Variants in PRDM11 observed in about 807,000 individuals in gnomAD.
The protein encoded by PRDM11 is PR domain-containing protein 11.
PRDM11 carries 20 observed loss-of-function variants against 97.8 expected under a neutral mutation model. That is an observed-to-expected ratio of 0.20 (90% confidence interval 0.14 to 0.30). PRDM11 has a LOEUF of 0.30. PRDM11 is among the 10% of genes least tolerant of loss of function. PRDM11 has a pLI of 1.00. For synonymous variants in PRDM11, 599 were observed against 637.7 expected, an observed-to-expected ratio of 0.94 and a Z score of 0.91; for missense variants, 1,139 against 1,555.2, an observed-to-expected ratio of 0.73 and a Z score of 4.50.
At chr11:45,186,577 G>T (rs1852712323) in intron 4 of PRDM11, among the ~76,000 whole-genome samples, 2 of 149,586 alleles carry the variant, frequency 1.3e-5, no homozygotes, top group African/African-American at 5.0e-5. Flanking sequence ...AGTAGGAGGA[G>T]ACAGTAGGAA....
At chr11:45,205,790 C>T (rs1429642584) in intron 5 of PRDM11, among the ~76,000 whole-genome samples, 2 of 152,172 alleles carry the variant, frequency 1.3e-5, no homozygotes, top group East Asian at 3.9e-4. Flanking sequence ...CTCCTGTGTC[C>T]TTCCCAGTGG....
rs760617886 is a variant in PRDM11, at chr11:45,227,361, C to T, written c.2736C>T (p.Ile912=). Residue 912 remains isoleucine, a synonymous_variant, in exon 8 of 8, where the codon ATC becomes ATT. Coordinates refer to ENST00000683152, the MANE Select transcript of PRDM11 (RefSeq NM_001384648.1). This position sits in a 1 kb window ranked among gnomAD's most constrained non-coding sequence, Gnocchi z 8.0. ...TGGTGTCCCAGGTGGATGACAAGAT[C>T]GAGGAGGCCATCCAGGAGATCAGCC... is the stretch of plus-strand genomic sequence containing the variant. The part of the protein sequence containing the change: ...YLLVSQVDDK[I]EEAIQEISRL... The T allele has an allele frequency of 1.3e-5, 20 of 1,533,826 alleles. No individual in the cohort carries two copies. The highest frequency in any genetic ancestry group is 4.8e-5 in the South Asian group (4 of 83,968).
chr11:45,098,060 G>T (rs1165935217), intron 1 of PRDM11, among the ~76,000 whole-genome samples: 2 of 152,240 alleles, frequency 1.3e-5, no homozygotes, highest in African/African-American at 4.8e-5. Flanking sequence ...GGAGGAATTA[G>T]TCACGTGACA....
Position 45,154,471 on chromosome 11 carries a change from G to A in PRDM11, c.-7+7594G>A, listed in dbSNP as rs923931525. On this transcript the variant is annotated intron_variant, in intron 1 of 7. Coordinates refer to ENST00000683152, the MANE Select transcript of PRDM11 (RefSeq NM_001384648.1). ...GTTGCGGACACATTCAAACAGACCC[G>A]GAGCCTCCGCTGAAATGATACTGGG... Among the ~76,000 whole-genome samples, 10 of 152,166 alleles carry A rather than the reference G, an allele frequency of 6.6e-5. No individual in the cohort carries two copies. The East Asian group carries it at 1.2e-3, about 18-fold the overall frequency.
At chr11:45,138,604 C>T (rs1322709789) in intron 1 of PRDM11, among the ~76,000 whole-genome samples, 1 of 152,024 alleles carries the variant, frequency 6.6e-6, no homozygotes, top group Non-Finnish European at 1.5e-5. Context: ...ACACATGGCA[C>T]TACAAAATAA....
At chr11:45,164,730 T>C (rs1211961883) in intron 1 of PRDM11, among the ~76,000 whole-genome samples, 2 of 152,216 alleles carry the variant, frequency 1.3e-5, no homozygotes, top group Non-Finnish European at 2.9e-5. Flanking sequence ...TGATGGTCCT[T>C]CGGGTGTGTT....
At chr11:45,163,033 C>T (rs1394760479) in intron 1 of PRDM11, among the ~76,000 whole-genome samples, 1 of 152,152 alleles carries the variant, frequency 6.6e-6, no homozygotes. Context: ...GGAGACGGTG[C>T]CTGAACTGGG....
At chr11:45,198,653 G>A (rs1251308231) in intron 4 of PRDM11, among the ~76,000 whole-genome samples, 1 of 152,206 alleles carries the variant, frequency 6.6e-6, no homozygotes, top group Non-Finnish European at 1.5e-5. Flanking sequence ...ACATTCTGTT[G>A]CAAAGCAGAG....
intron 1 of PRDM11, among the ~76,000 whole-genome samples, chr11:45,127,016 C>T (rs1852590957): frequency 6.6e-6 from 1 of 152,336 alleles, no homozygotes; most frequent in Non-Finnish European, 1.5e-5. Context: ...TCCCATATTT[C>T]TTGGAGACTT....
At chr11:45,101,542 C>A (rs11604741) in intron 1 of PRDM11, among the ~76,000 whole-genome samples, 3,040 of 112,966 alleles carry the variant, frequency 0.027, 80 homozygotes, top group Middle Eastern at 0.096. Flanking sequence ...GGTGACAGAG[C>A]AACACTCTGT....
intron 1 of PRDM11, among the ~76,000 whole-genome samples, chr11:45,151,310 G>T (rs998341633): frequency 2.6e-5 from 4 of 152,332 alleles, no homozygotes; most frequent in African/African-American, 9.6e-5. Flanking sequence ...CCCTGGAGCT[G>T]TGCTGGAAAA....
chr11:45,138,388 A>C, intron 1 of PRDM11, among the ~76,000 whole-genome samples: 1 of 152,268 alleles, frequency 6.6e-6, no homozygotes, highest in African/African-American at 2.4e-5. Context: ...GAACATAGTG[A>C]GACCCCATCT....
chr11:45,160,060 G>T (rs1190533984), intron 1 of PRDM11, among the ~76,000 whole-genome samples: 1 of 152,198 alleles, frequency 6.6e-6, no homozygotes, highest in Non-Finnish European at 1.5e-5. Context: ...GATGCTCTGT[G>T]CTTCCTTATA....
In PRDM11 at chr11:45,226,378, A is replaced by T. The variant is rs1294506752; in HGVS notation, c.1753A>T (p.Met585Leu). 2 of 1,533,804 alleles carry T rather than the reference A, an allele frequency of 1.3e-6. No homozygotes were observed. Among genetic ancestry groups the T allele is most frequent in the African/African-American group, 1.4e-5 (1 of 72,952 alleles). Reference sequence around the variant, plus strand: ...CATGCACCCGGAGAAGACAGAGGAGATGTGTCGCAACATGACCCTGCTCTT... The same window carrying T: ...CATGCACCCGGAGAAGACAGAGGAGTTGTGTCGCAACATGACCCTGCTCTT... ...LRMHPEKTEEMCRNMTLLFNT... is the reference protein window; with the variant it reads ...LRMHPEKTEELCRNMTLLFNT... Residue 585 changes from methionine to leucine, a missense_variant, in exon 8 of 8, where the codon ATG becomes TTG. Around this residue, in one of 2 missense-constraint regions of PRDM11, gnomAD observed 710 missense variants for 1,044.9 expected, o/e 0.68. Transcript: ENST00000683152.
chr11:45,134,095 T>C (rs1002910167), intron 1 of PRDM11, among the ~76,000 whole-genome samples: 1 of 152,124 alleles, frequency 6.6e-6, no homozygotes, highest in Admixed American at 6.5e-5. Context: ...ACACAATTGC[T>C]GGGAAAGCTC....
At chr11:45,175,797 A>G (rs890623949) in intron 1 of PRDM11, among the ~76,000 whole-genome samples, 1 of 152,004 alleles carries the variant, frequency 6.6e-6, no homozygotes, top group African/African-American at 2.4e-5. Context: ...ATGAAGTACT[A>G]ATTTCCCCTA....
intron 1 of PRDM11, among the ~76,000 whole-genome samples, chr11:45,135,632 G>C (rs543002488): frequency 2.2e-4 from 33 of 152,214 alleles, no homozygotes; most frequent in African/African-American, 7.9e-4. Context: ...TTTATAAGAA[G>C]CAAACTATAA....
intron 5 of PRDM11, chr11:45,213,392 C>T (rs926669818): frequency 4.5e-6 from 2 of 446,142 alleles, no homozygotes; most frequent in Non-Finnish European, 9.1e-6. Flanking sequence ...ACTTTCCAAC[C>T]TTGGGGCTGC....
chr11:45,227,656 C>A lies in PRDM11; in HGVS notation c.3031C>A (p.Gln1011Lys), dbSNP rs953867213. ...LMSYGKEDMV[Q>K]IFDHLEAIPT... ...GAGCTATGGCAAGGAGGATATGGTG[C>A]AAATATTTGATCACCTGGAGGCCAT... Residue 1011 changes from glutamine to lysine, a missense_variant, in exon 8 of 8, where the codon CAA becomes AAA. Physicochemically the swap from Gln to Lys is moderately conservative, Grantham distance 53. Coordinates refer to ENST00000683152, the MANE Select transcript of PRDM11 (RefSeq NM_001384648.1). This position sits in a 1 kb window ranked among gnomAD's most constrained non-coding sequence, Gnocchi z 8.0. 1.3e-6 allele frequency: 2 copies of A among 1,533,784 alleles called. No individual in the cohort carries two copies. The highest frequency in any genetic ancestry group is 1.4e-5 in the African/African-American group (1 of 72,944).
Sources: gnomAD v4.1 joint callset for allele counts (sites outside exome capture counted in the v4.1 genomes callset) on GRCh38, gnomAD v4.1.1 for gene constraint, gnomAD v4.1.1 regional missense constraint, Gnocchi (gnomAD v3.1) non-coding constraint, MANE v1.5 for transcripts, NCBI Gene and HGNC (gene_info 2026-07-23, HGNC 2026-07-21) for gene names.